KIFAP3: variants seen among roughly 807,000 people sequenced by gnomAD.
KIFAP3 encodes kinesin-associated protein 3.
KIFAP3 carries 68 observed loss-of-function variants against 106.5 expected under a neutral mutation model. The ratio of observed to expected loss-of-function variants is 0.64; its 90% confidence interval spans 0.53 to 0.78. KIFAP3 has a LOEUF of 0.78. Ranked by LOEUF, KIFAP3 falls within the 30% of genes least tolerant of loss-of-function variation. The probability of loss-of-function intolerance (pLI) is 0.00; values close to 1 mark genes in which losing one functional copy is unlikely to be tolerated. For synonymous variants in KIFAP3, 320 were observed against 311.5 expected, an observed-to-expected ratio of 1.03 and a Z score of -0.29; for missense variants, 780 against 941.8, an observed-to-expected ratio of 0.83 and a Z score of 2.25.
At chr1:170,070,004 A>C (rs1300988487) in intron 1 of KIFAP3, among the ~76,000 whole-genome samples, 1 of 152,084 alleles carries the variant, frequency 6.6e-6, no homozygotes, top group Non-Finnish European at 1.5e-5. Flanking sequence ...AAAAAAATCC[A>C]CTGTTTTTCT....
chr1:170,078,104 GACTGTACAAA>G (rs1393266465), upstream of KIFAP3, among the ~76,000 whole-genome samples: 1 of 152,094 alleles, frequency 6.6e-6, no homozygotes, highest in Non-Finnish European at 1.5e-5. Flanking sequence ...ATATATGAAT[GACTGTACAAA>G]ACCACCAAAC....
At chr1:169,955,009 G>A (rs1664932967) in intron 18 of KIFAP3, among the ~76,000 whole-genome samples, 1 of 152,286 alleles carries the variant, frequency 6.6e-6, no homozygotes, top group Non-Finnish European at 1.5e-5. Flanking sequence ...AGGAAAAAAA[G>A]ATCTAAGTGA....
intron 1 of KIFAP3, among the ~76,000 whole-genome samples, chr1:170,065,608 C>A (rs1013029696): frequency 8.9e-6 from 1 of 112,696 alleles, no homozygotes; most frequent in African/African-American, 3.7e-5. Flanking sequence ...AGCAAGACTC[C>A]ACCTCAAAAA....
rs201267601 is a variant in KIFAP3 at position 170,046,831 on chromosome 1, A to G, written c.200T>C (p.Ile67Thr). ...RLKSLNANTD[I>T]TSLARKVVEE... Reference sequence around the variant, plus strand: ...AACCACCTTCCTTGCCAGGGAAGTTATATCTGTGTTGGCATTGAGACTCTT... The same window carrying G: ...AACCACCTTCCTTGCCAGGGAAGTTGTATCTGTGTTGGCATTGAGACTCTT... The change falls in exon 3 of 20, where the codon ATA becomes ACA. Residue 67 changes from isoleucine to threonine, a missense_variant. Transcript: ENST00000361580. 2 of 1,610,268 alleles carry G rather than the reference A, an allele frequency of 1.2e-6. No homozygotes were observed. The highest frequency in any genetic ancestry group is 1.3e-5 in the African/African-American group (1 of 74,892).
intron 1 of KIFAP3, among the ~76,000 whole-genome samples, chr1:170,065,419 C>T (rs1671388147): frequency 6.6e-6 from 1 of 151,844 alleles, no homozygotes; most frequent in African/African-American, 2.4e-5. Context: ...CGAGACCATC[C>T]TGGCTAACAT....
At chr1:169,941,917 G>A (rs1664140630) in intron 19 of KIFAP3, among the ~76,000 whole-genome samples, 1 of 152,130 alleles carries the variant, frequency 6.6e-6, no homozygotes. Flanking sequence ...ACATATTAAT[G>A]TATAAAATTC....
At chr1:169,977,489 C>T (rs1666282637) in intron 16 of KIFAP3, among the ~76,000 whole-genome samples, 1 of 152,030 alleles carries the variant, frequency 6.6e-6, no homozygotes, top group Non-Finnish European at 1.5e-5. Context: ...TTTTTAGGTA[C>T]CTCATTGTAT....
chr1:170,020,636 G>T (rs1488438894), intron 9 of KIFAP3, among the ~76,000 whole-genome samples: 1 of 152,046 alleles, frequency 6.6e-6, no homozygotes, highest in Non-Finnish European at 1.5e-5. Context: ...TTTTAGTAGA[G>T]ATGGGGTTTC....
intron 9 of KIFAP3, among the ~76,000 whole-genome samples, chr1:170,021,565 A>G (rs147495109): frequency 0.064 from 9,563 of 150,172 alleles, 381 homozygotes; most frequent in Non-Finnish European, 0.095. Context: ...TCAGCCTCCT[A>G]AGTAGCTGGT....
At chr1:170,027,312 G>A (rs376335215) in intron 8 of KIFAP3, among the ~76,000 whole-genome samples, 10 of 151,972 alleles carry the variant, frequency 6.6e-5, no homozygotes, top group South Asian at 2.1e-4. Context: ...GAACCACCGC[G>A]CCTGACCCTG....
At chr1:169,971,519 C>T (rs1665917910) in intron 17 of KIFAP3, among the ~76,000 whole-genome samples, 1 of 151,856 alleles carries the variant, frequency 6.6e-6, no homozygotes, top group African/African-American at 2.4e-5. Flanking sequence ...TAGTTCTACA[C>T]CAGTAATGGA....
At chr1:170,074,888 C>T (rs1329343192), upstream of KIFAP3, 3 of 407,688 alleles carry the variant, frequency 7.4e-6, no homozygotes, top group Non-Finnish European at 1.1e-5. Context: ...AAAGGGCTGT[C>T]AGGTCAGCTT....
chr1:169,942,196 T>C (rs756513743), intron 19 of KIFAP3, among the ~76,000 whole-genome samples: 1 of 152,080 alleles, frequency 6.6e-6, no homozygotes, highest in Non-Finnish European at 1.5e-5. Flanking sequence ...ACTCAGTAAG[T>C]ACAAACTTAT....
At chr1:169,950,642 G>T (rs956486546) in intron 19 of KIFAP3, among the ~76,000 whole-genome samples, 4 of 152,112 alleles carry the variant, frequency 2.6e-5, no homozygotes, top group Non-Finnish European at 4.4e-5. Context: ...CATTAAGTCT[G>T]CTTATTCTCA....
chr1:170,035,434 T>C lies in KIFAP3; in HGVS notation c.617+20A>G. ...AATAGAGATACAGTAGCCTTTTTATTTAATAATTTTTATACTTACCTGGAG... is the reference window on the plus strand; with the variant it reads ...AATAGAGATACAGTAGCCTTTTTATCTAATAATTTTTATACTTACCTGGAG... On this transcript the variant is annotated intron_variant, in intron 6 of 19. Coordinates refer to ENST00000361580, the MANE Select transcript of KIFAP3 (RefSeq NM_014970.4). The C allele has an allele frequency of 6.8e-7, 1 of 1,472,618 alleles. No individual in the cohort carries two copies. Among genetic ancestry groups the C allele is most frequent in the East Asian group, 2.3e-5 (1 of 42,766 alleles). The allele number at this position is 1,472,618 out of a possible 1,614,324, so 91.2% of individuals were successfully genotyped here. A position where few individuals can be genotyped will look rare whatever the true frequency, so the allele number is the denominator to read the frequency against.
At chr1:170,066,776 T>C (rs1489574500) in intron 1 of KIFAP3, among the ~76,000 whole-genome samples, 1 of 152,058 alleles carries the variant, frequency 6.6e-6, no homozygotes, top group Non-Finnish European at 1.5e-5. Flanking sequence ...GGAGTAACTG[T>C]GAAACAGATG....
At chr1:169,973,877 G>C (rs933979600) in intron 16 of KIFAP3, among the ~76,000 whole-genome samples, 2 of 151,820 alleles carry the variant, frequency 1.3e-5, no homozygotes, top group Non-Finnish European at 2.9e-5. Flanking sequence ...ATGGAATTCA[G>C]GAGACAGTAA....
intron 19 of KIFAP3, among the ~76,000 whole-genome samples, chr1:169,942,852 TATAACATTATA>T (rs1010137179): frequency 5.9e-5 from 9 of 151,556 alleles, no homozygotes; most frequent in Non-Finnish European, 1.5e-5. Flanking sequence ...TGGCTGAGTT[TATAACATTATA>T]TTTCCTTGTT....
chr1:170,060,715 C>T (rs1671102075), intron 1 of KIFAP3, among the ~76,000 whole-genome samples: 1 of 152,112 alleles, frequency 6.6e-6, no homozygotes, highest in Non-Finnish European at 1.5e-5. Context: ...CAATCCTAAG[C>T]CAAAAGAACA....
Sources: allele counts gnomAD v4.1 joint callset (sites outside exome capture counted in the v4.1 genomes callset), GRCh38; gene constraint gnomAD v4.1.1; transcripts MANE v1.5; gene names NCBI Gene and HGNC (gene_info 2026-07-23, HGNC 2026-07-21).